Variants in MYH14 observed in about 807,000 individuals in gnomAD.
MYH14 encodes the protein myosin heavy chain 14, also known as myosin-14.
MYH14 carries 123 observed loss-of-function variants against 255.5 expected under a neutral mutation model. That is an observed-to-expected ratio of 0.48 (90% CI 0.42 to 0.56). The LOEUF (loss-of-function observed/expected upper bound fraction) is 0.56. Among genes scored for constraint, MYH14 ranks in the 20% least tolerant of loss-of-function variants. The probability of loss-of-function intolerance (pLI) is 0.00; values close to 1 mark genes in which losing one functional copy is unlikely to be tolerated. For synonymous variants in MYH14, 1,095 were observed against 1,161.2 expected, an observed-to-expected ratio of 0.94 and a Z score of 1.16; for missense variants, 2,423 against 2,802.3, an observed-to-expected ratio of 0.86 and a Z score of 3.06.
chr19:50,210,447 C>A lies in MYH14; in HGVS notation c.82C>A (p.Leu28Met). The A allele has an allele frequency of 6.4e-7, 1 of 1,551,716 alleles. No individual in the cohort carries two copies. The highest frequency in any genetic ancestry group is 8.7e-7 in the Non-Finnish European group (1 of 1,149,132). Residue 28 changes from leucine (L) to methionine (M), a missense_variant, in exon 2 of 43, where the codon CTG (leucine) becomes ATG (methionine). Physicochemically the swap from Leu to Met is conservative, Grantham distance 15 (BLOSUM62 2). Transcript: ENST00000642316. ...AGTGCCCGAGGCGGCCCAGCCGTTC[C>A]TGTTCACGCCCCGCGGGCCCAGCGC... is the stretch of plus-strand genomic sequence containing the variant. ...GPVPEAAQPF[L>M]FTPRGPSAGG...
At chr19:50,225,485 C>A in intron 6 of MYH14, 100 bp from the exon 7 acceptor site, 1 of 869,528 alleles carries the variant, frequency 1.2e-6, no homozygotes. Flanking sequence ...GCCCCTCACA[C>A]ACAGATACTC....
At position 50,309,930 on chromosome 19, in the gene MYH14, C is replaced by A; in HGVS notation, c.*140C>A. ...GTGCAGCACTCTGGCATTTATCACCCCCACCTGGGTCCCCTGCAACCTCCC... is the reference window on the plus strand; with the variant it reads ...GTGCAGCACTCTGGCATTTATCACCACCACCTGGGTCCCCTGCAACCTCCC... On this transcript the variant is annotated 3_prime_UTR_variant, in exon 43 of 43. Coordinates refer to ENST00000642316, the MANE Select transcript of MYH14 (RefSeq NM_001145809.2). 2.3e-6 allele frequency: 2 copies of A among 867,474 alleles called. No homozygotes were observed. The highest frequency in any genetic ancestry group is 2.6e-5 in the East Asian group (1 of 37,906). 53.7% of individuals were successfully genotyped at this position (867,474 alleles called of 1,614,324 possible). A position where few individuals can be genotyped will look rare whatever the true frequency, so the allele number is the denominator to read the frequency against.
At chr19:50,248,949 G>A (rs549459882) in intron 12 of MYH14, 38 bp from the exon 13 acceptor site, 3 of 1,609,940 alleles carry the variant, frequency 1.9e-6, no homozygotes, top group South Asian at 2.2e-5. Context: ...GTCTGCTGAT[G>A]TGCAGGCTGC....
chr19:50,276,958 C>T lies in MYH14; in HGVS notation c.3825+57C>T, dbSNP rs1022051964. ...GCCACGGGGAGGGCAGGGCAGGACG[C>T]GGGGTTGGAGGAGGTACCGCTGGCT... On this transcript the variant is annotated intron_variant, in intron 29 of 42. Coordinates refer to ENST00000642316, the MANE Select transcript of MYH14 (RefSeq NM_001145809.2). This position sits in a 1 kb window ranked among gnomAD's most constrained non-coding sequence, Gnocchi z 4.3. 9 of 1,421,962 alleles carry T rather than the reference C, an allele frequency of 6.3e-6. No individual in the cohort carries two copies. The highest frequency in any genetic ancestry group is 1.2e-5 in the South Asian group (1 of 80,286). 88.1% of individuals were successfully genotyped at this position (1,421,962 alleles called of 1,614,324 possible). A position where few individuals can be genotyped will look rare whatever the true frequency, so the allele number is the denominator to read the frequency against.
intron 1 of MYH14, among the ~76,000 whole-genome samples, chr19:50,208,442 AC>A (rs1388416259): frequency 2.0e-4 from 30 of 151,648 alleles, no homozygotes; most frequent in African/African-American, 6.3e-4. Context: ...AAACAAACAA[AC>A]AAACAAACAA....
At chr19:50,262,796 G>A (rs962358914) in intron 21 of MYH14, among the ~76,000 whole-genome samples, 4 of 152,070 alleles carry the variant, frequency 2.6e-5, no homozygotes, top group African/African-American at 9.7e-5. Flanking sequence ...TTTGGGACTG[G>A]GCAGAGAGAG....
intron 10 of MYH14, among the ~76,000 whole-genome samples, chr19:50,237,334 T>TTC (rs2033702846): frequency 6.6e-6 from 1 of 151,724 alleles, no homozygotes; most frequent in Admixed American, 6.6e-5. Context: ...AACATTTTTT[T>TTC]TTTTTTTTGA....
chr19:50,265,412 T>G (rs1452984711), intron 22 of MYH14, among the ~76,000 whole-genome samples: 1 of 151,680 alleles, frequency 6.6e-6, no homozygotes, highest in Non-Finnish European at 1.5e-5. Flanking sequence ...TCCCAGCTAC[T>G]TGGGACGAAG....
intron 40 of MYH14, among the ~76,000 whole-genome samples, chr19:50,305,863 T>C (rs2036635157): frequency 6.6e-6 from 1 of 152,148 alleles, no homozygotes. Context: ...GCCCAGGACA[T>C]TGAGGCTGCA....
intron 12 of MYH14, among the ~76,000 whole-genome samples, chr19:50,248,693 C>T (rs2034232122): frequency 6.6e-6 from 1 of 152,200 alleles, no homozygotes; most frequent in Non-Finnish European, 1.5e-5. Flanking sequence ...CCCAAGTTGT[C>T]CGGCTCCAGA....
intron 1 of MYH14, among the ~76,000 whole-genome samples, chr19:50,208,919 C>T (rs2031991981): frequency 6.6e-6 from 1 of 151,884 alleles, no homozygotes. Context: ...TTTGGGGAGC[C>T]AAGGCAGGAG....
rs1427174456 is a variant in MYH14, at chr19:50,292,942, G to A, written c.5257-291G>A. Among the ~76,000 whole-genome samples, 5 of 151,924 alleles carry A rather than the reference G, an allele frequency of 3.3e-5. No homozygotes were observed. In the East Asian group the frequency reaches 7.7e-4, roughly 24 times the overall value. The stretch of plus-strand genomic sequence containing the variant: ...GAGGAGAGCACTGGGGGTCTGGCCC[G>A]GTGATTGGGGGACCCTGGAGGAGAG... On this transcript the variant is annotated intron_variant, in intron 37 of 42. Transcript: ENST00000642316.
At chr19:50,241,951 C>A (rs953629623) in intron 10 of MYH14, among the ~76,000 whole-genome samples, 7 of 152,200 alleles carry the variant, frequency 4.6e-5, no homozygotes, top group Non-Finnish European at 1.0e-4. Flanking sequence ...ACCACCACAC[C>A]GCACCAAGCC....
chr19:50,241,295 C>T (rs1312431339), intron 10 of MYH14, among the ~76,000 whole-genome samples: 1 of 152,072 alleles, frequency 6.6e-6, no homozygotes, highest in Admixed American at 6.6e-5. Flanking sequence ...ATTAGCTGGG[C>T]GTGTTGGCAT....
intron 8 of MYH14, among the ~76,000 whole-genome samples, chr19:50,227,980 A>G (rs1366962929): frequency 1.3e-5 from 2 of 152,208 alleles, no homozygotes; most frequent in Admixed American, 6.5e-5. Flanking sequence ...AGCTATTATT[A>G]GCAATTAATG....
At chr19:50,208,388 C>T (rs1600851086) in intron 1 of MYH14, among the ~76,000 whole-genome samples, 1 of 152,038 alleles carries the variant, frequency 6.6e-6, no homozygotes, top group Non-Finnish European at 1.5e-5. Context: ...GCACTCCAGC[C>T]TGGGTGACAG....
chr19:50,204,637 G>A (rs1176651638), intron 1 of MYH14, among the ~76,000 whole-genome samples: 1 of 152,234 alleles, frequency 6.6e-6, no homozygotes. Context: ...GCTCAGGCCT[G>A]TAATCCCAGC....
rs775303824 is a variant in MYH14, at chr19:50,301,882, G to A, written c.5678+13G>A. 8 of 1,590,294 alleles carry A rather than the reference G, an allele frequency of 5.0e-6. No individual in the cohort carries two copies. In the South Asian group the frequency reaches 6.8e-5, roughly 13 times the overall value. ...AGCAAGAGACCAGGTAGGTGAGAGC[G>A]GAGGCCACAGGAGAAAGGTGACCTC... On this transcript the variant is annotated intron_variant, in intron 40 of 42. Coordinates refer to ENST00000642316, the MANE Select transcript of MYH14 (RefSeq NM_001145809.2).
At chr19:50,205,533 C>T (rs1957634961) in intron 1 of MYH14, 1 of 152,340 alleles carries the variant, frequency 6.6e-6, no homozygotes, top group African/African-American at 2.4e-5. Context: ...CCCCATCTCC[C>T]CGCTCCGGTC....
Sources: gnomAD v4.1 joint callset for allele counts (sites outside exome capture counted in the v4.1 genomes callset) on GRCh38, gnomAD v4.1.1 for gene constraint, Gnocchi (gnomAD v3.1) non-coding constraint, MANE v1.5 for transcripts, NCBI Gene and HGNC (gene_info 2026-07-23, HGNC 2026-07-21) for gene names.